The following NLGN1 variants were observed in gnomAD, a reference collection of about 807,000 sequenced individuals.
The protein encoded by NLGN1 is neuroligin-1.
In NLGN1, 12 loss-of-function variants were observed where a neutral mutation model predicts 65.5. The observed-to-expected ratio is 0.18, with a 90% confidence interval of 0.12 to 0.30. The LOEUF (loss-of-function observed/expected upper bound fraction) is 0.30, where lower values mean the gene tolerates loss of function less well. Among genes scored for constraint, NLGN1 ranks in the 10% least tolerant of loss-of-function variants. The pLI is 1.00. For synonymous variants in NLGN1, 350 were observed against 359.5 expected (o/e 0.97, Z 0.30); for missense variants, 750 against 1,007.1 (o/e 0.74, Z 3.46).
rs561738409 is a variant in NLGN1 at position 173,720,177 on chromosome 3, G to A, written c.494-87503G>A. On this transcript the variant is annotated intron_variant, in intron 3 of 6. Coordinates refer to ENST00000457714, the Ensembl canonical transcript of NLGN1. ...TGCTGATTTCTGAGTCACGATCCAG[G>A]CCTGCTAAATCAGGATGCCTGAATG... 3.3e-5 allele frequency among the ~76,000 whole-genome samples: 5 copies of A among 152,000 alleles called. No individual in the cohort carries two copies. In the East Asian group the frequency reaches 9.6e-4, roughly 29 times the overall value.
chr3:173,621,223 A>G (rs1458498486), intron 3 of NLGN1, among the ~76,000 whole-genome samples: 2 of 152,142 alleles, frequency 1.3e-5, no homozygotes, highest in African/African-American at 4.8e-5. Context: ...AGCTCTTCAT[A>G]AAAATGTAAG....
chr3:174,052,435 A>G (rs945092886), intron 4 of NLGN1, among the ~76,000 whole-genome samples: 8 of 152,170 alleles, frequency 5.3e-5, no homozygotes, highest in Middle Eastern at 6.8e-3. Flanking sequence ...TGCATAATTC[A>G]TAATAAATAA....
chr3:174,044,579 C>G (rs528755024), intron 4 of NLGN1, among the ~76,000 whole-genome samples: 16 of 152,264 alleles, frequency 1.1e-4, no homozygotes, highest in African/African-American at 3.8e-4. Context: ...TCACCTCCAT[C>G]CGAGACCACC....
chr3:173,623,012 C>T (rs1754249828), intron 3 of NLGN1, among the ~76,000 whole-genome samples: 1 of 152,056 alleles, frequency 6.6e-6, no homozygotes, highest in Non-Finnish European at 1.5e-5. Context: ...TCTATACCCT[C>T]AAGGGAGTGT....
At chr3:173,453,401 A>G (rs1721973162) in intron 2 of NLGN1, among the ~76,000 whole-genome samples, 1 of 151,816 alleles carries the variant, frequency 6.6e-6, no homozygotes, top group Admixed American at 6.6e-5. Flanking sequence ...TTTTTAAATA[A>G]AGCAACAATG....
chr3:173,540,320 C>G (rs984897311), intron 2 of NLGN1, among the ~76,000 whole-genome samples: 2 of 152,130 alleles, frequency 1.3e-5, no homozygotes, highest in African/African-American at 4.8e-5. Flanking sequence ...GCTACAGAGC[C>G]TTCTCTTTTG....
intron 4 of NLGN1, among the ~76,000 whole-genome samples, chr3:173,964,419 G>A (rs183198108): frequency 6.6e-6 from 1 of 152,264 alleles, no homozygotes; most frequent in Admixed American, 6.5e-5. Flanking sequence ...GACTTGCCTA[G>A]GGTCAGATAA....
At chr3:173,527,599 A>G (rs1273541230) in intron 2 of NLGN1, among the ~76,000 whole-genome samples, 2 of 152,090 alleles carry the variant, frequency 1.3e-5, no homozygotes, top group African/African-American at 4.8e-5. Flanking sequence ...AAGTTTCACC[A>G]TGTTAGCCAG....
chr3:173,513,435 A>G (rs538323372), intron 2 of NLGN1, among the ~76,000 whole-genome samples: 300 of 152,130 alleles, frequency 2.0e-3, no homozygotes, highest in African/African-American at 7.1e-3. Flanking sequence ...GGAGGTTTAT[A>G]CTCATGGATT....
chr3:173,992,236 T>A (rs987255750), intron 4 of NLGN1, among the ~76,000 whole-genome samples: 1 of 152,192 alleles, frequency 6.6e-6, no homozygotes, highest in Non-Finnish European at 1.5e-5. Flanking sequence ...TATACATATA[T>A]TTTTATGTGA....
At chr3:173,693,597 G>T (rs1275512607) in intron 3 of NLGN1, among the ~76,000 whole-genome samples, 3 of 151,766 alleles carry the variant, frequency 2.0e-5, no homozygotes, top group Non-Finnish European at 4.4e-5. Flanking sequence ...ACTTATATTG[G>T]CATTCACTCT....
At chr3:173,997,039 T>G (rs1322057260) in intron 4 of NLGN1, among the ~76,000 whole-genome samples, 1 of 152,138 alleles carries the variant, frequency 6.6e-6, no homozygotes, top group Non-Finnish European at 1.5e-5. Context: ...GTGGGTTATG[T>G]CTTTTTTTTA....
intron 4 of NLGN1, among the ~76,000 whole-genome samples, chr3:174,242,866 G>T (rs756797667): frequency 3.5e-4 from 53 of 151,966 alleles, no homozygotes; most frequent in Non-Finnish European, 6.5e-4. Flanking sequence ...AAATGTTGGC[G>T]ACCAGTGCCA....
At chr3:173,587,090 A>G (rs143746870) in intron 2 of NLGN1, among the ~76,000 whole-genome samples, 312 of 152,358 alleles carry the variant, frequency 2.0e-3, no homozygotes, top group African/African-American at 7.4e-3. Flanking sequence ...AGGTCCTTTT[A>G]AAATTGATTT....
intron 3 of NLGN1, among the ~76,000 whole-genome samples, chr3:173,772,063 G>T (rs900039179): frequency 2.0e-5 from 3 of 151,874 alleles, no homozygotes; most frequent in South Asian, 4.2e-4. Context: ...AAAACCCAGG[G>T]CATATTTTTA....
intron 3 of NLGN1, among the ~76,000 whole-genome samples, chr3:173,781,030 G>C (rs1578398738): frequency 6.6e-6 from 1 of 151,568 alleles, no homozygotes; most frequent in East Asian, 1.9e-4. Flanking sequence ...TGTAGTCCCA[G>C]CTACTCGGGA....
intron 3 of NLGN1, among the ~76,000 whole-genome samples, chr3:173,655,864 C>T (rs1439761182): frequency 1.3e-5 from 2 of 151,902 alleles, no homozygotes; most frequent in African/African-American, 4.8e-5. Context: ...TTCTTGGCAA[C>T]TTGAACAAAG....
intron 4 of NLGN1, among the ~76,000 whole-genome samples, chr3:173,935,134 T>C (rs560408512): frequency 1.3e-5 from 2 of 152,118 alleles, no homozygotes; most frequent in South Asian, 4.1e-4. Context: ...ATCTTTCTCT[T>C]CCTTATTATT....
chr3:173,871,663 C>A lies in NLGN1; in HGVS notation c.646+63831C>A, dbSNP rs142927409. ...TAATCTCTGAAACCCAGAAACTGTA[C>A]AACAAGGCCATGCCTGGAACACAGT... On this transcript the variant is annotated intron_variant, in intron 4 of 6. Coordinates refer to ENST00000457714, the Ensembl canonical transcript of NLGN1. Among the ~76,000 whole-genome samples, 832 of 152,300 alleles carry A rather than the reference C, an allele frequency of 5.5e-3. 4 individuals are homozygous for A. Among genetic ancestry groups the A allele is most frequent in the Non-Finnish European group, 6.8e-3 (462 of 68,024 alleles).
Sources: gnomAD v4.1 joint callset for allele counts (sites outside exome capture counted in the v4.1 genomes callset) on GRCh38, gnomAD v4.1.1 for gene constraint, MANE v1.5 for transcripts, NCBI Gene and HGNC (gene_info 2026-07-23, HGNC 2026-07-21) for gene names.